BLTP2: variants seen among roughly 807,000 people sequenced by gnomAD.
BLTP2 encodes the protein U937-associated antigen.
chr17:28,620,445 A>C, the BLTP2 span: 1 of 1,583,606 alleles, frequency 6.3e-7, no homozygotes, highest in East Asian at 2.2e-5. Context: ...AGAAGCCCAA[A>C]TAAAGCACAA....
At chr17:28,629,429 T>G in the BLTP2 span, among the ~76,000 whole-genome samples, 39 of 152,038 alleles carry the variant, frequency 2.6e-4, no homozygotes, top group African/African-American at 9.2e-4. Context: ...ACCTGGGGAT[T>G]ACAGGTATGT....
At chr17:28,629,848 C>A in the BLTP2 span, among the ~76,000 whole-genome samples, 1 of 152,134 alleles carries the variant, frequency 6.6e-6, no homozygotes, top group South Asian at 2.1e-4. Flanking sequence ...CTCCTGACCT[C>A]GACTGATCCA....
the BLTP2 span, chr17:28,620,408 T>A: frequency 7.2e-7 from 1 of 1,387,630 alleles, no homozygotes; most frequent in East Asian, 2.3e-5. Context: ...AAGGCCCTTT[T>A]TCAGTGTGAA....
At chr17:28,620,113 T>C in the BLTP2 span, 2 of 1,115,390 alleles carry the variant, frequency 1.8e-6, no homozygotes, top group African/African-American at 3.1e-5. Flanking sequence ...GGGGGTCTCT[T>C]CTAGAAAGCT....
At chr17:28,637,074 G>A in the BLTP2 span, 1 of 1,614,154 alleles carries the variant, frequency 6.2e-7, no homozygotes, top group Non-Finnish European at 8.5e-7. Flanking sequence ...CTCCGTGACT[G>A]ATTTCACCAG....
the BLTP2 span, chr17:28,616,331 G>A: frequency 6.2e-7 from 1 of 1,613,236 alleles, no homozygotes; most frequent in East Asian, 2.2e-5. This position sits in a 1 kb window ranked among gnomAD's most constrained non-coding sequence, Gnocchi z 4.8. Context: ...CACCAAACAG[G>A]ACCTCAAGAC....
the BLTP2 span, among the ~76,000 whole-genome samples, chr17:28,623,172 C>T: frequency 6.6e-6 from 1 of 152,156 alleles, no homozygotes; most frequent in African/African-American, 2.4e-5. Flanking sequence ...AGAGTACTTT[C>T]CACCTGAATA....
chr17:28,637,222 A>G, the BLTP2 span: 1 of 1,399,444 alleles, frequency 7.1e-7, no homozygotes, highest in South Asian at 1.2e-5. Flanking sequence ...AAAGGGCAAC[A>G]ATAGTCCTCA....
At chr17:28,643,993 A>T in the BLTP2 span, 1 of 1,540,156 alleles carries the variant, frequency 6.5e-7, no homozygotes, top group Non-Finnish European at 8.8e-7. Flanking sequence ...TAAAAAAAGG[A>T]AATTAAGAGT....
At chr17:28,616,167 C>T in the BLTP2 span, 1 of 1,614,174 alleles carries the variant, frequency 6.2e-7, no homozygotes, top group Non-Finnish European at 8.5e-7. The surrounding 1 kb of genome is among the most constrained non-coding windows in gnomAD (Gnocchi z 4.8). Context: ...GCAGCTCGCT[C>T]TTTCATCTTG....
chr17:28,618,953 T>C, the BLTP2 span: 2 of 1,613,738 alleles, frequency 1.2e-6, no homozygotes, highest in Admixed American at 1.7e-5. Flanking sequence ...CCCGCTGCAG[T>C]TGGAAATCCT....
chr17:28,620,460 T>C, the BLTP2 span: 2 of 1,606,010 alleles, frequency 1.2e-6, no homozygotes, highest in Non-Finnish European at 1.7e-6. Flanking sequence ...GCACAAAGTC[T>C]GGGTGTTCCT....
At chr17:28,619,010 C>T in the BLTP2 span, 1 of 1,563,578 alleles carries the variant, frequency 6.4e-7, no homozygotes, top group South Asian at 1.1e-5. Flanking sequence ...GTAAGGGAAA[C>T]AGCACATGGG....
the BLTP2 span, chr17:28,638,725 T>C: frequency 7.4e-6 from 6 of 807,652 alleles, no homozygotes; most frequent in East Asian, 1.2e-4. Flanking sequence ...GCTCTCACAA[T>C]CAGAGTGAGA....
At chr17:28,625,353 A>AAAG in the BLTP2 span, among the ~76,000 whole-genome samples, 2 of 149,026 alleles carry the variant, frequency 1.3e-5, no homozygotes, top group East Asian at 3.9e-4. Flanking sequence ...AAAAAAAAAA[A>AAAG]AAAAAGAAAA....
chr17:28,617,395 G>C, the BLTP2 span: 1 of 1,139,532 alleles, frequency 8.8e-7, no homozygotes, highest in Middle Eastern at 2.0e-4. Flanking sequence ...TATGTATCCA[G>C]TTTGTTTTCA....
chr17:28,642,205 A>T, the BLTP2 span: 1 of 1,585,068 alleles, frequency 6.3e-7, no homozygotes, highest in Non-Finnish European at 8.7e-7. Context: ...CCTAGGATGT[A>T]AGCCCTAAGC....
chr17:28,620,727 C>T, the BLTP2 span: 3 of 1,385,946 alleles, frequency 2.2e-6, no homozygotes, highest in Non-Finnish European at 3.0e-6. Context: ...CACTAGTCAA[C>T]CCCACAGAAA....
the BLTP2 span, among the ~76,000 whole-genome samples, chr17:28,626,971 T>C: frequency 6.6e-6 from 1 of 152,182 alleles, no homozygotes; most frequent in Non-Finnish European, 1.5e-5. Context: ...GACTGGCATA[T>C]GAAGGAGAAG....
Sources: allele counts gnomAD v4.1 joint callset (sites outside exome capture counted in the v4.1 genomes callset), GRCh38; gene constraint gnomAD v4.1.1; non-coding constraint Gnocchi (gnomAD v3.1); transcripts MANE v1.5; gene names NCBI Gene and HGNC (gene_info 2026-07-23, HGNC 2026-07-21).